Variants in MAN2A1 observed in about 807,000 individuals in gnomAD.
MAN2A1 encodes the protein alpha-mannosidase 2.
Under a neutral mutation model 142.6 loss-of-function variants are expected in MAN2A1, and 76 were observed. That is an observed-to-expected ratio of 0.53 (90% CI 0.44 to 0.65). MAN2A1 has a LOEUF of 0.65. Among genes scored for constraint, MAN2A1 ranks in the 30% least tolerant of loss-of-function variants. MAN2A1 has a pLI of 0.00. For synonymous variants in MAN2A1, 559 were observed against 473.2 expected, an observed-to-expected ratio of 1.18 and a Z score of -2.35; for missense variants, 1,311 against 1,365.1, an observed-to-expected ratio of 0.96 and a Z score of 0.62.
intron 4 of MAN2A1, among the ~76,000 whole-genome samples, chr5:109,753,892 A>AT (rs1176901974): frequency 5.6e-4 from 84 of 148,824 alleles, no homozygotes; most frequent in African/African-American, 1.4e-3. Context: ...TACTTGCTCA[A>AT]TTTTTTTTTC....
At chr5:109,743,371 A>G (rs1752321224) in intron 4 of MAN2A1, among the ~76,000 whole-genome samples, 1 of 152,156 alleles carries the variant, frequency 6.6e-6, no homozygotes, top group South Asian at 2.1e-4. Context: ...AGTAAGAGAT[A>G]AGCACTCGTT....
chr5:109,851,165 TGCA>T (rs1213807194), intron 19 of MAN2A1, among the ~76,000 whole-genome samples: 1 of 152,234 alleles, frequency 6.6e-6, no homozygotes, highest in Non-Finnish European at 1.5e-5. Flanking sequence ...CAGAGAATTC[TGCA>T]GAGAGTCAGT....
In MAN2A1 at chr5:109,856,737, A is replaced by G. The variant is rs190955389; in HGVS notation, c.3171+1403A>G. 1.5e-3 allele frequency among the ~76,000 whole-genome samples: 221 copies of G among 152,272 alleles called. 1 individual carries two copies. Among genetic ancestry groups the G allele is most frequent in the African/African-American group, 5.0e-3 (208 of 41,530 alleles). ...TGCTTGGCTATGCAGGCAAACATAT[A>G]TGACTTATAATAATGACTACAAGCA... is the stretch of plus-strand genomic sequence containing the variant. On this transcript the variant is annotated intron_variant, in intron 20 of 21. Transcript: ENST00000261483.
At chr5:109,852,012 A>G (rs1348526368) in intron 19 of MAN2A1, among the ~76,000 whole-genome samples, 1 of 152,024 alleles carries the variant, frequency 6.6e-6, no homozygotes, top group Non-Finnish European at 1.5e-5. Flanking sequence ...GATTGTTTCC[A>G]CAATAGGACT....
Position 109,845,845 on chromosome 5 carries a change from G to T in MAN2A1, c.2701-20G>T. Reference sequence around the variant, plus strand: ...TATGTAAATATCACTTTTTGTAGATGGAATTGTTGTGTTTTATAGATTCAA... The same window carrying T: ...TATGTAAATATCACTTTTTGTAGATTGAATTGTTGTGTTTTATAGATTCAA... On this transcript the variant is annotated intron_variant, in intron 17 of 21. Transcript: ENST00000261483. The T allele has an allele frequency of 6.3e-7, 1 of 1,591,988 alleles. No homozygotes were observed. Among genetic ancestry groups the T allele is most frequent in the Non-Finnish European group, 8.5e-7 (1 of 1,170,220 alleles).
intron 1 of MAN2A1, among the ~76,000 whole-genome samples, chr5:109,695,620 C>T (rs1750790477): frequency 1.3e-5 from 2 of 152,160 alleles, no homozygotes; most frequent in South Asian, 2.1e-4. Flanking sequence ...GGATATTTAG[C>T]AGCTCTGATG....
At chr5:109,729,320 G>A in intron 3 of MAN2A1, 22 bp from the exon 4 acceptor site, 1 of 1,546,648 alleles carries the variant, frequency 6.5e-7, no homozygotes, top group Middle Eastern at 1.8e-4. Context: ...GACCTTTGTG[G>A]TATATTTGTG....
intron 16 of MAN2A1, among the ~76,000 whole-genome samples, chr5:109,832,776 C>A (rs990987240): frequency 6.6e-6 from 1 of 151,642 alleles, no homozygotes; most frequent in African/African-American, 2.4e-5. Context: ...GGGCTGCCCC[C>A]CACCTCCCTC....
At chr5:109,778,506 G>C (rs1357859225) in intron 8 of MAN2A1, among the ~76,000 whole-genome samples, 2 of 151,986 alleles carry the variant, frequency 1.3e-5, no homozygotes, top group East Asian at 1.9e-4. Flanking sequence ...TCAGATTATG[G>C]AATTTTCCTT....
Position 109,842,358 on chromosome 5 carries a change from A to G in MAN2A1, c.2597A>G (p.Asn866Ser), listed in dbSNP as rs1273172490. 1.3e-6 allele frequency: 2 copies of G among 1,585,348 alleles called. No homozygotes were observed. The highest frequency in any genetic ancestry group is 1.7e-6 in the Non-Finnish European group (2 of 1,160,832). ...GAAGGACAGTCTGTGGAAGTTTCCAATATTGTGGACATCCGAAAAGTATAT... is the reference window on the plus strand; with the variant it reads ...GAAGGACAGTCTGTGGAAGTTTCCAGTATTGTGGACATCCGAAAAGTATAT... ...GIEGQSVEVS[N>S]IVDIRKVYNR... Residue 866 changes from asparagine to serine, a missense_variant, in exon 17 of 22, where the codon AAT becomes AGT. Asn to Ser is a conservative substitution (Grantham distance 46). Transcript: ENST00000261483.
intron 1 of MAN2A1, among the ~76,000 whole-genome samples, chr5:109,693,229 A>T (rs1305332905): frequency 6.6e-6 from 1 of 152,338 alleles, no homozygotes; most frequent in Middle Eastern, 3.4e-3. Flanking sequence ...GCTAAACATT[A>T]TAATGAAAAC....
chr5:109,707,070 G>C (rs1400807740), intron 1 of MAN2A1, among the ~76,000 whole-genome samples: 1 of 152,178 alleles, frequency 6.6e-6, no homozygotes, highest in Non-Finnish European at 1.5e-5. Context: ...TGATTGGACT[G>C]TACAGAATCC....
chr5:109,850,148 G>C (rs1459081000), intron 19 of MAN2A1, among the ~76,000 whole-genome samples: 3 of 152,172 alleles, frequency 2.0e-5, no homozygotes, highest in Non-Finnish European at 4.4e-5. Flanking sequence ...AACTCCATGA[G>C]AGTGGGGAAT....
intron 17 of MAN2A1, 62 bp downstream of exon 17, chr5:109,842,523 CA>C: frequency 9.8e-7 from 1 of 1,018,958 alleles, no homozygotes; most frequent in Non-Finnish European, 1.4e-6. Flanking sequence ...TTATATATAA[CA>C]ATGGCCCAGT....
At chr5:109,833,996 G>A (rs1177847809) in intron 16 of MAN2A1, among the ~76,000 whole-genome samples, 1 of 152,148 alleles carries the variant, frequency 6.6e-6, no homozygotes, top group Admixed American at 6.5e-5. Context: ...AAGAAGGTGA[G>A]AGATATGCTG....
In MAN2A1 at chr5:109,819,848, C is replaced by G. The variant is rs1261662699; in HGVS notation, c.2289C>G (p.Ser763=). The change falls in exon 14 of 22, where the codon TCC becomes TCG. Residue 763 remains serine, a synonymous_variant. Coordinates refer to ENST00000261483, the MANE Select transcript of MAN2A1 (RefSeq NM_002372.4). ...NTEEGITLEN[S]FVLLRFDQTG... Reference sequence around the variant, plus strand: ...AAGAAGGTATAACACTAGAGAACTCCTTTGTTTTACTTCGGTTTGATCAAA... The same window carrying G: ...AAGAAGGTATAACACTAGAGAACTCGTTTGTTTTACTTCGGTTTGATCAAA... 1 of 1,603,656 alleles carries G rather than the reference C, an allele frequency of 6.2e-7. No individual in the cohort carries two copies. Among genetic ancestry groups the G allele is most frequent in the Admixed American group, 1.7e-5 (1 of 57,726 alleles).
At chr5:109,860,113 AG>A (rs1442652754) in intron 20 of MAN2A1, among the ~76,000 whole-genome samples, 3 of 151,954 alleles carry the variant, frequency 2.0e-5, no homozygotes, top group Non-Finnish European at 4.4e-5. Flanking sequence ...AGGCAGTTTG[AG>A]GATTTTACTT....
chr5:109,735,877 A>AGTT (rs1582840351), intron 4 of MAN2A1, among the ~76,000 whole-genome samples: 2 of 70,540 alleles, frequency 2.8e-5, no homozygotes, highest in East Asian at 1.7e-3. Context: ...TTTCCATTGG[A>AGTT]GTTTTTTTTT....
intron 8 of MAN2A1, among the ~76,000 whole-genome samples, chr5:109,778,156 C>G (rs1250789589): frequency 1.3e-5 from 2 of 151,540 alleles, no homozygotes; most frequent in Non-Finnish European, 2.9e-5. Flanking sequence ...GCACAAATAA[C>G]TACAATTATT....
Sources: allele counts gnomAD v4.1 joint callset (sites outside exome capture counted in the v4.1 genomes callset), GRCh38; gene constraint gnomAD v4.1.1; transcripts MANE v1.5; gene names NCBI Gene and HGNC (gene_info 2026-07-23, HGNC 2026-07-21).